Variants in ANKRD10 observed in about 807,000 individuals in gnomAD.
ANKRD10 encodes the protein ankyrin repeat domain 10, also known as ankyrin repeat domain-containing protein 10.
ANKRD10 carries 14 observed loss-of-function variants against 27.0 expected under a neutral mutation model. The ratio of observed to expected loss-of-function variants is 0.52; its 90% confidence interval spans 0.34 to 0.81. ANKRD10 has a LOEUF of 0.81. ANKRD10 is among the 40% of genes least tolerant of loss of function. The probability of loss-of-function intolerance (pLI) is 0.01; values close to 1 mark genes in which losing one functional copy is unlikely to be tolerated. For synonymous variants in ANKRD10, 250 were observed against 224.5 expected, an observed-to-expected ratio of 1.11 and a Z score of -1.01; for missense variants, 493 against 544.0, an observed-to-expected ratio of 0.91 and a Z score of 0.93.
chr13:110,911,772 C>G (rs1166573712), intron 1 of ANKRD10: 1 of 152,234 alleles, frequency 6.6e-6, no homozygotes, highest in Non-Finnish European at 1.5e-5. Flanking sequence ...GAGCAAGACC[C>G]TGTCTCAAAA....
intron 3 of ANKRD10, chr13:110,895,361 C>T (rs2065199517): frequency 6.6e-6 from 1 of 152,248 alleles, no homozygotes; most frequent in South Asian, 2.1e-4. Flanking sequence ...GCGGGTGGAT[C>T]ACCTGAGGTC....
chr13:110,914,576 G>T (rs931861195), intron 1 of ANKRD10, 149 bp downstream of exon 1: 83 of 1,120,586 alleles, frequency 7.4e-5, no homozygotes, highest in Non-Finnish European at 9.4e-5. Context: ...CCGCACAGGC[G>T]CCCTAGGCCC....
At chr13:110,884,661 T>C (rs2138822580) in intron 4 of ANKRD10, among the ~76,000 whole-genome samples, 1 of 152,350 alleles carries the variant, frequency 6.6e-6, no homozygotes, top group East Asian at 1.9e-4. Context: ...CCTAACCAAA[T>C]TCCCTGCAGC....
At position 110,888,510 on chromosome 13, in the gene ANKRD10, G is replaced by A. The variant is rs1594553857; in HGVS notation, c.691+4518C>T. 3.9e-5 allele frequency among the ~76,000 whole-genome samples: 6 copies of A among 152,248 alleles called. 1 individual carries two copies. Among genetic ancestry groups the A allele is most frequent in the Admixed American group, 3.9e-4 (6 of 15,294 alleles). ...TTTGAAAACAGTGAGGACGTCAGGA[G>A]TTAAAGTGCTATAATATGTAACTAA... On this transcript the variant is annotated intron_variant, in intron 4 of 5. Coordinates refer to ENST00000267339, the MANE Select transcript of ANKRD10 (RefSeq NM_017664.4).
intron 4 of ANKRD10, among the ~76,000 whole-genome samples, chr13:110,886,243 A>G (rs1926715): frequency 0.34 from 51,885 of 152,138 alleles, 9,359 homozygotes; most frequent in South Asian, 0.42. Context: ...TAATCCTGTA[A>G]CTATAAGGCT....
intron 2 of ANKRD10, among the ~76,000 whole-genome samples, chr13:110,906,334 A>C (rs1048484012): frequency 1.3e-5 from 2 of 152,110 alleles, no homozygotes; most frequent in African/African-American, 4.8e-5. Context: ...GTCGTTGACC[A>C]AATATCTTGG....
chr13:110,881,161 T>G (rs1373884981), intron 5 of ANKRD10, among the ~76,000 whole-genome samples: 1 of 152,226 alleles, frequency 6.6e-6, no homozygotes, highest in Non-Finnish European at 1.5e-5. Context: ...GATCTAAAAT[T>G]ATCTCTAACT....
At chr13:110,913,994 G>A (rs535463677) in intron 1 of ANKRD10, among the ~76,000 whole-genome samples, 1 of 152,216 alleles carries the variant, frequency 6.6e-6, no homozygotes, top group Non-Finnish European at 1.5e-5. Flanking sequence ...TCCACGGGAA[G>A]AGAATTCTGC....
intron 1 of ANKRD10, among the ~76,000 whole-genome samples, chr13:110,912,570 G>C (rs2065749320): frequency 6.6e-6 from 1 of 152,170 alleles, no homozygotes; most frequent in Admixed American, 6.5e-5. Flanking sequence ...TGTTACCCTT[G>C]GGTTCAATTT....
At chr13:110,892,529 A>G (rs2065108583) in intron 4 of ANKRD10, among the ~76,000 whole-genome samples, 1 of 151,736 alleles carries the variant, frequency 6.6e-6, no homozygotes, top group Admixed American at 6.6e-5. Flanking sequence ...TGATAAGTCA[A>G]CACACATGTG....
chr13:110,879,286 C>G lies in ANKRD10; in HGVS notation c.*351G>C. 8.7e-6 allele frequency: 2 copies of G among 230,044 alleles called. 1 individual carries two copies. Among genetic ancestry groups the G allele is most frequent in the South Asian group, 1.7e-4 (2 of 11,720 alleles). The allele number at this position is 230,044 out of a possible 1,614,324, so 14.3% of individuals were successfully genotyped here. A position where few individuals can be genotyped will look rare whatever the true frequency, so the allele number is the denominator to read the frequency against. On this transcript the variant is annotated 3_prime_UTR_variant, in exon 6 of 6. Transcript: ENST00000267339. ...GTGCAAAGAGATAAATTACCAGGCA[C>G]CTGATTTACCACCCCAATTTATCTT...
chr13:110,906,473 C>CCA (rs148260904), intron 2 of ANKRD10, among the ~76,000 whole-genome samples: 3,706 of 152,088 alleles, frequency 0.024, 54 homozygotes, highest in Non-Finnish European at 0.038. Flanking sequence ...AACCAACCAA[C>CCA]CACACACACA....
chr13:110,888,889 A>C (rs2065003798), intron 4 of ANKRD10, among the ~76,000 whole-genome samples: 1 of 152,220 alleles, frequency 6.6e-6, no homozygotes, highest in Non-Finnish European at 1.5e-5. Flanking sequence ...CTGTGAAGTC[A>C]GTTTGACACT....
chr13:110,900,003 G>T (rs1444847589), intron 3 of ANKRD10, among the ~76,000 whole-genome samples: 1 of 152,294 alleles, frequency 6.6e-6, no homozygotes, highest in Admixed American at 6.5e-5. Context: ...CTTGAGGCCA[G>T]AAGTTTGAGA....
At chr13:110,889,177 C>T (rs78240981) in intron 4 of ANKRD10, among the ~76,000 whole-genome samples, 3,113 of 152,204 alleles carry the variant, frequency 0.02, 106 homozygotes, top group African/African-American at 0.071. Context: ...TAACCAAGAA[C>T]GCTAGCAAAC....
chr13:110,906,252 C>G (rs536386709), intron 2 of ANKRD10, 128 bp from the exon 3 acceptor site: 4 of 711,632 alleles, frequency 5.6e-6, no homozygotes, highest in African/African-American at 5.3e-5. Flanking sequence ...TGAGCAAGAT[C>G]TGAAGCAGAA....
At chr13:110,883,868 T>C in intron 4 of ANKRD10, 75 bp from the exon 5 acceptor site, 1 of 1,540,224 alleles carries the variant, frequency 6.5e-7, no homozygotes, top group Non-Finnish European at 8.8e-7. Context: ...CAGTTTACAT[T>C]ATTTTGTGTG....
intron 2 of ANKRD10, among the ~76,000 whole-genome samples, chr13:110,906,458 A>T (rs1428486939): frequency 6.6e-6 from 1 of 151,942 alleles, no homozygotes; most frequent in Non-Finnish European, 1.5e-5. Context: ...CCAAACAAAC[A>T]AGCCAACCAA....
At chr13:110,890,359 G>A (rs796573887) in intron 4 of ANKRD10, among the ~76,000 whole-genome samples, 24 of 151,680 alleles carry the variant, frequency 1.6e-4, no homozygotes, top group African/African-American at 5.5e-4. Flanking sequence ...AATGGTAAAA[G>A]GGGGGCAAAA....
Sources: gnomAD v4.1 joint callset for allele counts (sites outside exome capture counted in the v4.1 genomes callset) on GRCh38, gnomAD v4.1.1 for gene constraint, MANE v1.5 for transcripts, NCBI Gene and HGNC (gene_info 2026-07-23, HGNC 2026-07-21) for gene names.